Variants in ALPK1 observed in about 807,000 individuals in gnomAD.
ALPK1 encodes the protein alpha kinase 1, also known as alpha-protein kinase 1.
In ALPK1, 110 loss-of-function variants were observed where a neutral mutation model predicts 120.6. The ratio of observed to expected loss-of-function variants is 0.91; its 90% confidence interval spans 0.78 to 1.07. The LOEUF (loss-of-function observed/expected upper bound fraction) is 1.07, where lower values mean the gene tolerates loss of function less well. ALPK1 is among the 50% of genes least tolerant of loss of function. The probability of loss-of-function intolerance (pLI) is 0.00; values close to 1 mark genes in which losing one functional copy is unlikely to be tolerated. For synonymous variants in ALPK1, 582 were observed against 560.3 expected (o/e 1.04, Z -0.55); for missense variants, 1,498 against 1,483.9 (o/e 1.01, Z -0.16).
intron 2 of ALPK1, among the ~76,000 whole-genome samples, chr4:112,347,073 C>G (rs1730132749): frequency 6.6e-6 from 1 of 152,156 alleles, no homozygotes; most frequent in Admixed American, 6.5e-5. Context: ...GATACTTTTT[C>G]CCCAGGAAAA....
intron 5 of ALPK1, among the ~76,000 whole-genome samples, chr4:112,413,174 T>A (rs1733567388): frequency 6.6e-6 from 1 of 152,200 alleles, no homozygotes; most frequent in African/African-American, 2.4e-5. Flanking sequence ...CTTCTGATGG[T>A]GTCAGATGGC....
chr4:112,371,965 C>A (rs1202510401), intron 2 of ALPK1, among the ~76,000 whole-genome samples: 1 of 152,160 alleles, frequency 6.6e-6, no homozygotes, highest in Non-Finnish European at 1.5e-5. Flanking sequence ...CCAACCAATT[C>A]CTTCAAAAAT....
chr4:112,435,276 C>G lies in ALPK1; in HGVS notation c.3163C>G (p.Leu1055Val). The change falls in exon 12 of 16, where the codon CTT becomes GTT. Residue 1055 changes from leucine to valine, a missense_variant. Transcript: ENST00000650871. ...RQRNAFWVHH[L>V]HQEEILGRYV... Reference sequence around the variant, plus strand: ...AAGAAATGCTTTTTGGGTTCATCATCTTCATCAAGAAGAAATTCTGGGGAG... The same window carrying G: ...AAGAAATGCTTTTTGGGTTCATCATGTTCATCAAGAAGAAATTCTGGGGAG... 1.9e-6 allele frequency: 3 copies of G among 1,610,894 alleles called. No individual in the cohort carries two copies. Among genetic ancestry groups the G allele is most frequent in the Non-Finnish European group, 2.5e-6 (3 of 1,179,214 alleles).
intron 4 of ALPK1, chr4:112,383,259 A>G (rs1256622694): frequency 2.0e-5 from 3 of 151,896 alleles, no homozygotes; most frequent in Non-Finnish European, 4.4e-5. Context: ...CTCTCGGAAG[A>G]TTGTCAAGGA....
chr4:112,370,153 T>C (rs934853116), intron 2 of ALPK1, among the ~76,000 whole-genome samples: 4 of 152,234 alleles, frequency 2.6e-5, no homozygotes, highest in African/African-American at 9.6e-5. Context: ...CTGGTTTGGT[T>C]ACTTTTTATA....
At chr4:112,377,920 C>A in intron 3 of ALPK1, 22 bp downstream of exon 3, 3 of 1,588,304 alleles carry the variant, frequency 1.9e-6, no homozygotes, top group Non-Finnish European at 2.6e-6. Flanking sequence ...ATGGGAGGCA[C>A]CAGGGGTGAA....
chr4:112,402,248 T>G (rs549414571), intron 4 of ALPK1, among the ~76,000 whole-genome samples: 1 of 152,346 alleles, frequency 6.6e-6, no homozygotes, highest in East Asian at 1.9e-4. Flanking sequence ...GCCAGATGGC[T>G]TCAGTTCTGA....
intron 2 of ALPK1, among the ~76,000 whole-genome samples, chr4:112,318,530 A>G (rs529126225): frequency 1.3e-4 from 20 of 152,370 alleles, no homozygotes; most frequent in African/African-American, 4.8e-4. Flanking sequence ...ATGACCTAAC[A>G]TGGAAGACTG....
At chr4:112,381,220 A>C (rs551075639) in intron 3 of ALPK1, among the ~76,000 whole-genome samples, 1 of 152,234 alleles carries the variant, frequency 6.6e-6, no homozygotes, top group Non-Finnish European at 1.5e-5. Flanking sequence ...TTTAGGAGCC[A>C]CAGGATTTGA....
At chr4:112,314,921 C>A (rs1160274877) in intron 1 of ALPK1, among the ~76,000 whole-genome samples, 1 of 139,450 alleles carries the variant, frequency 7.2e-6, no homozygotes, top group Non-Finnish European at 1.5e-5. Context: ...CACTCTGTTG[C>A]CCAGGCTGGA....
At chr4:112,387,393 G>A (rs778040014) in intron 4 of ALPK1, among the ~76,000 whole-genome samples, 4 of 152,218 alleles carry the variant, frequency 2.6e-5, no homozygotes, top group Non-Finnish European at 4.4e-5. Flanking sequence ...AGGTTTGGGG[G>A]TCCTGATGCT....
intron 2 of ALPK1, among the ~76,000 whole-genome samples, chr4:112,348,430 G>A (rs1730189877): frequency 6.6e-6 from 1 of 152,240 alleles, no homozygotes; most frequent in Non-Finnish European, 1.5e-5. Context: ...AAAATGAAAT[G>A]TGCTATCTTT....
intron 2 of ALPK1, among the ~76,000 whole-genome samples, chr4:112,325,134 C>G (rs1230586213): frequency 6.6e-6 from 1 of 152,160 alleles, no homozygotes; most frequent in African/African-American, 2.4e-5. Flanking sequence ...GAAAATGAAT[C>G]TAGGACTCAC....
chr4:112,323,060 C>T (rs1346104843), intron 2 of ALPK1, among the ~76,000 whole-genome samples: 10 of 152,114 alleles, frequency 6.6e-5, no homozygotes, highest in Admixed American at 1.3e-4. Flanking sequence ...CTACAAGGTC[C>T]CTCTGTGTCT....
At chr4:112,370,783 T>C (rs1158309570) in intron 2 of ALPK1, among the ~76,000 whole-genome samples, 1 of 152,232 alleles carries the variant, frequency 6.6e-6, no homozygotes, top group Non-Finnish European at 1.5e-5. Context: ...TTTCAAAAAG[T>C]ATGAAGAATG....
At chr4:112,335,814 G>A (rs1175734261) in intron 2 of ALPK1, among the ~76,000 whole-genome samples, 5 of 152,130 alleles carry the variant, frequency 3.3e-5, no homozygotes, top group African/African-American at 1.2e-4. Flanking sequence ...GACTTCTCCT[G>A]AGGAGGACAG....
chr4:112,302,669 C>T (rs1278791842), intron 1 of ALPK1, among the ~76,000 whole-genome samples: 8 of 152,156 alleles, frequency 5.3e-5, no homozygotes, highest in Admixed American at 2.6e-4. Context: ...TTCAGGAGGA[C>T]GCTGCCTTCT....
At chr4:112,436,113 T>C (rs1261577151) in intron 12 of ALPK1, among the ~76,000 whole-genome samples, 1 of 152,226 alleles carries the variant, frequency 6.6e-6, no homozygotes, top group Non-Finnish European at 1.5e-5. Context: ...TTTGCTCAAA[T>C]CCAAATAGTG....
At chr4:112,416,990 A>T (rs1733774406) in intron 5 of ALPK1, among the ~76,000 whole-genome samples, 1 of 152,188 alleles carries the variant, frequency 6.6e-6, no homozygotes, top group African/African-American at 2.4e-5. Flanking sequence ...AGACAGATTA[A>T]TATAGGAAGT....
Sources: allele counts gnomAD v4.1 joint callset (sites outside exome capture counted in the v4.1 genomes callset), GRCh38; gene constraint gnomAD v4.1.1; transcripts MANE v1.5; gene names NCBI Gene and HGNC (gene_info 2026-07-23, HGNC 2026-07-21).